Variants in CMYA5 observed in about 807,000 individuals in gnomAD.
The protein encoded by CMYA5 is cardiomyopathy associated 5, also known as cardiomyopathy-associated protein 5.
Under a neutral mutation model 318.9 loss-of-function variants are expected in CMYA5, and 246 were observed. The observed-to-expected ratio is 0.77, with a 90% CI of 0.70 to 0.86. CMYA5 has a LOEUF of 0.86. CMYA5 is among the 40% of genes least tolerant of loss of function. CMYA5 has a pLI of 0.00. For synonymous variants in CMYA5, 1,641 were observed against 1,729.5 expected (o/e 0.95, Z 1.27); for missense variants, 4,589 against 4,678.2 (o/e 0.98, Z 0.56).
intron 1 of CMYA5, among the ~76,000 whole-genome samples, chr5:79,699,860 T>C (rs866891913): frequency 1.3e-5 from 2 of 152,218 alleles, no homozygotes; most frequent in Admixed American, 6.5e-5. Flanking sequence ...AAGCATCTGA[T>C]AGAGTTAGGA....
At chr5:79,706,140 C>A (rs922042016) in intron 1 of CMYA5, among the ~76,000 whole-genome samples, 1 of 152,018 alleles carries the variant, frequency 6.6e-6, no homozygotes, top group South Asian at 2.1e-4. Context: ...TCTGGTCCTG[C>A]GATGCTGCCA....
Position 79,763,069 on chromosome 5 carries a change from C to T in CMYA5, c.11415C>T (p.Ser3805=), listed in dbSNP as rs2151095319. 1 of 1,613,326 alleles carries T rather than the reference C, an allele frequency of 6.2e-7. No homozygotes were observed. Among genetic ancestry groups the T allele is most frequent in the Middle Eastern group, 1.7e-4 (1 of 6,038 alleles). Residue 3805 remains serine, a synonymous_variant, in exon 9 of 13, where the codon TCC becomes TCT. Transcript: ENST00000446378. ...SERAIFRTAP[S]TPVIRAEDCT... is the part of the protein sequence containing the mutation. ...CTGACTCTCTTTCTGCAGCACCCTC[C>T]ACCCCTGTGATCCGCGCTGAGGACT... is the stretch of plus-strand genomic sequence containing the variant.
Position 79,730,394 on chromosome 5 carries a change from C to T in CMYA5, c.1629C>T (p.Ser543=), listed in dbSNP as rs141358383. The change falls in exon 2 of 13, where the codon TCC becomes TCT. Residue 543 remains serine (S), a synonymous_variant. Transcript: ENST00000446378. ...ELDYPESPLV[S]EKPFPPHMSP... ...ATTACCCAGAAAGCCCATTGGTTTC[C>T]GAGAAGCCCTTCCCACCACATATGT... The T allele has an allele frequency of 2.5e-4, 400 of 1,613,820 alleles. 1 individual carries two copies. The East Asian group carries it at 4.2e-3, about 17-fold the overall frequency.
In CMYA5 at chr5:79,736,855, G is replaced by A. The variant is rs1262178121; in HGVS notation, c.8090G>A (p.Gly2697Glu). The A allele has an allele frequency of 6.2e-7, 1 of 1,610,248 alleles. No individual in the cohort carries two copies. Among genetic ancestry groups the A allele is most frequent in the Non-Finnish European group, 8.5e-7 (1 of 1,179,314 alleles). ...ATCACAAAAGAAACTGTGAAACAAGGATTTCAAGAAAAGGCAGTAGGAACC... is the reference window on the plus strand; with the variant it reads ...ATCACAAAAGAAACTGTGAAACAAGAATTTCAAGAAAAGGCAGTAGGAACC... ...VDITKETVKQ[G>E]FQEKAVGTQP... The change falls in exon 2 of 13, where the codon GGA becomes GAA. Residue 2697 changes from glycine to glutamate, a missense_variant. By Grantham distance (98) the Gly-to-Glu change is moderately conservative. Transcript: ENST00000446378.
At position 79,733,852 on chromosome 5, in the gene CMYA5, C is replaced by G. The variant is rs148980576; in HGVS notation, c.5087C>G (p.Ala1696Gly). The G allele has an allele frequency of 3.2e-4, 512 of 1,613,594 alleles. 1 individual carries two copies. In the African/African-American group the frequency reaches 5.6e-3, roughly 18 times the overall value. Residue 1696 changes from alanine (A) to glycine (G), a missense_variant, in exon 2 of 13, where the codon GCA becomes GGA. By Grantham distance (60) the Ala-to-Gly change is moderately conservative (BLOSUM62 0). This residue lies in a region of CMYA5 where 2,132 missense variants were observed against 2,131.3 expected (regional missense o/e 1.00). Transcript: ENST00000446378. ...CTTTGTGCATCTTCTACGATGCCTG[C>G]AATTTCAGAGCTTTCATCATTGCTT... ...RELCASSTMP[A>G]ISELSSLLRE...
rs1827920274 is a variant in CMYA5, at chr5:79,731,985, CCGCTTGAAGACTT to C, written c.3221_3233del (p.Pro1074GlnfsTer42). ...AGCTGAAACTTTCCCTTTGATGTCT[CCGCTTGAAGACTT>C]AAGTCTGCCGCCTTCAACAGATAAA... On this transcript the variant is annotated frameshift_variant, in exon 2 of 13. Coordinates refer to ENST00000446378, the MANE Select transcript of CMYA5 (RefSeq NM_153610.5). LOFTEE classifies it high-confidence loss of function. 6.2e-7 allele frequency: 1 copy of C among 1,613,662 alleles called. No individual in the cohort carries two copies. The highest frequency in any genetic ancestry group is 1.3e-5 in the African/African-American group (1 of 74,904).
At position 79,742,107 on chromosome 5, in the gene CMYA5, TCTC is replaced by T. The variant is rs1828225478; in HGVS notation, c.10639-1719_10639-1717del. ...TCTTCTTCTTCTTCTTCTTTCTTCT[TCTC>T]TTCTTCTTCTTCTTCCTCCTCCTCC... is the stretch of plus-strand genomic sequence containing the variant. On this transcript the variant is annotated intron_variant, in intron 2 of 12. Coordinates refer to ENST00000446378, the MANE Select transcript of CMYA5 (RefSeq NM_153610.5). 2.9e-5 allele frequency among the ~76,000 whole-genome samples: 3 copies of T among 105,212 alleles called. 1 individual carries two copies. In the East Asian group the frequency reaches 9.1e-4, roughly 32 times the overall value. The allele number at this position is 105,212 out of a possible 152,430, so 69.0% of individuals were successfully genotyped here.
rs1312274646 is a variant in CMYA5, at chr5:79,790,964, C to A, written c.11690-6C>A. Reference sequence around the variant, plus strand: ...TGTTTTAATACTATTTTCTCACCTGCAATAGGAACCAGATTTCTCTTGTTG... The same window carrying A: ...TGTTTTAATACTATTTTCTCACCTGAAATAGGAACCAGATTTCTCTTGTTG... On this transcript the variant is annotated splice_region_variant and splice_polypyrimidine_tract_variant and intron_variant, in intron 10 of 12. Coordinates refer to ENST00000446378, the MANE Select transcript of CMYA5 (RefSeq NM_153610.5). 5.0e-6 allele frequency: 8 copies of A among 1,604,052 alleles called. No individual in the cohort carries two copies. Among genetic ancestry groups the A allele is most frequent in the Non-Finnish European group, 6.8e-6 (8 of 1,171,424 alleles).
At chr5:79,753,260 A>T (rs185093744) in intron 6 of CMYA5, among the ~76,000 whole-genome samples, 13 of 152,144 alleles carry the variant, frequency 8.5e-5, no homozygotes, top group Non-Finnish European at 1.9e-4. Context: ...TTAGAGAACT[A>T]TCAGCTCAGC....
intron 5 of CMYA5, among the ~76,000 whole-genome samples, chr5:79,749,840 C>A (rs1031606414): frequency 3.9e-5 from 6 of 152,048 alleles, no homozygotes; most frequent in African/African-American, 1.2e-4. Context: ...ATACTGCTAC[C>A]ATACTACTTT....
At chr5:79,757,352 G>A (rs957662858) in intron 6 of CMYA5, among the ~76,000 whole-genome samples, 3 of 152,174 alleles carry the variant, frequency 2.0e-5, no homozygotes, top group East Asian at 1.9e-4. Flanking sequence ...ATGTTTGTAC[G>A]CATAATCATG....
chr5:79,796,822 C>G (rs553469281), intron 12 of CMYA5, among the ~76,000 whole-genome samples: 1 of 148,970 alleles, frequency 6.7e-6, no homozygotes, highest in African/African-American at 2.5e-5. Flanking sequence ...TAGTATTATG[C>G]ATTCATTCTT....
Position 79,734,089 on chromosome 5 carries a change from C to G in CMYA5, c.5324C>G (p.Thr1775Ser). Residue 1775 changes from threonine to serine, a missense_variant, in exon 2 of 13, where the codon ACT becomes AGT. By Grantham distance (58) the Thr-to-Ser change is moderately conservative. Around this residue, in one of 3 missense-constraint regions of CMYA5, gnomAD observed 2,132 missense variants for 2,131.3 expected, o/e 1.00. Coordinates refer to ENST00000446378, the MANE Select transcript of CMYA5 (RefSeq NM_153610.5). ...CAAGAAATAGGCCCATTACCACCAA[C>G]TGGAAATTTGAAGGCACAAGTCATG... Reference protein sequence around the residue: ...GNQEIGPLPPTGNLKAQVMGD... With the variant: ...GNQEIGPLPPSGNLKAQVMGD... 6.2e-7 allele frequency: 1 copy of G among 1,613,788 alleles called. No individual in the cohort carries two copies. The highest frequency in any genetic ancestry group is 8.5e-7 in the Non-Finnish European group (1 of 1,179,824).
chr5:79,799,662 G>T lies in CMYA5; in HGVS notation c.*46G>T. The stretch of plus-strand genomic sequence containing the variant: ...CAAGAACAGCGATTTGAATTTTGGG[G>T]GGGTCTGCTGTTCATTCCTTTAGGT... On this transcript the variant is annotated 3_prime_UTR_variant, in exon 13 of 13. Coordinates refer to ENST00000446378, the MANE Select transcript of CMYA5 (RefSeq NM_153610.5). 6.4e-7 allele frequency: 1 copy of T among 1,569,414 alleles called. No homozygotes were observed.
At chr5:79,770,838 T>C (rs542651378) in intron 9 of CMYA5, among the ~76,000 whole-genome samples, 1 of 152,274 alleles carries the variant, frequency 6.6e-6, no homozygotes, top group South Asian at 2.1e-4. Flanking sequence ...GACTGAACAA[T>C]GATGATAGTT....
chr5:79,773,989 T>A (rs751194947), intron 9 of CMYA5, among the ~76,000 whole-genome samples: 1 of 152,206 alleles, frequency 6.6e-6, no homozygotes, highest in African/African-American at 2.4e-5. Context: ...GTCCTCTAGA[T>A]TGGAGAATCT....
Position 79,736,083 on chromosome 5 carries a change from A to G in CMYA5, c.7318A>G (p.Lys2440Glu). The change falls in exon 2 of 13, where the codon AAA (lysine) becomes GAA (glutamate). Residue 2440 changes from lysine to glutamate, a missense_variant. Lys to Glu is a moderately conservative substitution (Grantham distance 56). Coordinates refer to ENST00000446378, the MANE Select transcript of CMYA5 (RefSeq NM_153610.5). The part of the protein sequence containing the change: ...KKEMQNPTSL[K>E]ISEEETKLRS... Reference sequence around the variant, plus strand: ...AGAAATGCAAAATCCTACTTCCTTGAAAATTTCTGAAGAGGAAACAAAACT... The same window carrying G: ...AGAAATGCAAAATCCTACTTCCTTGGAAATTTCTGAAGAGGAAACAAAACT... 1 of 1,612,352 alleles carries G rather than the reference A, an allele frequency of 6.2e-7. No individual in the cohort carries two copies. Among genetic ancestry groups the G allele is most frequent in the East Asian group, 2.2e-5 (1 of 44,856 alleles).
intron 8 of CMYA5, 163 bp from the exon 9 acceptor site, chr5:79,762,899 A>G: frequency 1.4e-6 from 1 of 698,876 alleles, no homozygotes; most frequent in Non-Finnish European, 2.3e-6. Flanking sequence ...GAGAGACATC[A>G]CCATCTATAT....
intron 9 of CMYA5, among the ~76,000 whole-genome samples, chr5:79,766,914 G>A (rs990995030): frequency 1.5e-4 from 23 of 152,088 alleles, no homozygotes; most frequent in Non-Finnish European, 2.9e-4. Flanking sequence ...GGTAGAATTC[G>A]GCTGCAAATC....
Sources: allele counts gnomAD v4.1 joint callset (sites outside exome capture counted in the v4.1 genomes callset), GRCh38; gene constraint gnomAD v4.1.1; regional missense constraint gnomAD v4.1.1; transcripts MANE v1.5; gene names NCBI Gene and HGNC (gene_info 2026-07-23, HGNC 2026-07-21).